The following GPHN variants were observed in gnomAD, a reference collection of about 807,000 sequenced individuals.
GPHN encodes the protein gephyrin.
A neutral mutation model predicts 95.5 loss-of-function variants in GPHN; 17 were observed. The observed-to-expected ratio is 0.18, with a 90% CI of 0.12 to 0.27. The LOEUF (loss-of-function observed/expected upper bound fraction) is 0.27, where lower values mean the gene tolerates loss of function less well. GPHN is among the 10% of genes least tolerant of loss of function. The pLI, the probability that GPHN is intolerant of heterozygous loss-of-function variation, is 1.00. For synonymous variants in GPHN, 320 were observed against 322.5 expected, an observed-to-expected ratio of 0.99 and a Z score of 0.08; for missense variants, 660 against 978.1, an observed-to-expected ratio of 0.67 and a Z score of 4.34.
the GPHN span, chr14:67,392,827 G>A: frequency 6.2e-7 from 1 of 1,612,848 alleles, no homozygotes; most frequent in Non-Finnish European, 8.5e-7. Context: ...TGTTGGAGAT[G>A]AGCCAGTCCA....
chr14:67,727,476 G>GTTTTTTTTGTTTTTTTTTTTTTT, the GPHN span: 1 of 295,164 alleles, frequency 3.4e-6, no homozygotes. Flanking sequence ...GAGGCTTTTT[G>GTTTTTTTTGTTTTTTTTTTTTTT]TTTTTTTTGT....
the GPHN span, among the ~76,000 whole-genome samples, chr14:67,435,697 G>A: frequency 6.6e-6 from 1 of 152,222 alleles, no homozygotes; most frequent in Non-Finnish European, 1.5e-5. Flanking sequence ...TTTTCTGGAT[G>A]TCACTCCTTC....
At chr14:67,724,810 A>C in the GPHN span, among the ~76,000 whole-genome samples, 6 of 152,206 alleles carry the variant, frequency 3.9e-5, no homozygotes, top group African/African-American at 1.4e-4. Flanking sequence ...AAAATAAGGA[A>C]AACGATGTCT....
At chr14:67,607,252 A>G in the GPHN span, among the ~76,000 whole-genome samples, 1 of 152,232 alleles carries the variant, frequency 6.6e-6, no homozygotes, top group Non-Finnish European at 1.5e-5. Context: ...ACCCTGCTGC[A>G]TAGTACAACC....
intron 1 of GPHN, among the ~76,000 whole-genome samples, chr14:66,594,897 T>C (rs765846548): frequency 2.0e-5 from 3 of 152,130 alleles, no homozygotes; most frequent in Non-Finnish European, 4.4e-5. Flanking sequence ...GGAGAAAGTA[T>C]GTGAGACCAT....
chr14:67,630,549 C>A, the GPHN span, among the ~76,000 whole-genome samples: 2 of 152,180 alleles, frequency 1.3e-5, no homozygotes, highest in Admixed American at 6.5e-5. Flanking sequence ...CATCCAGTTA[C>A]AAGCGAGGTT....
intron 2 of GPHN, among the ~76,000 whole-genome samples, chr14:66,688,078 C>T (rs1289305023): frequency 6.6e-6 from 1 of 152,050 alleles, no homozygotes; most frequent in Non-Finnish European, 1.5e-5. Flanking sequence ...TTGACTAACA[C>T]ATATTTTACA....
chr14:67,391,764 C>G, the GPHN span, among the ~76,000 whole-genome samples: 1 of 152,222 alleles, frequency 6.6e-6, no homozygotes. Context: ...CAGGACACGG[C>G]TTGCCTCTGG....
intron 3 of GPHN, among the ~76,000 whole-genome samples, chr14:66,809,254 G>A (rs1424711342): frequency 6.6e-6 from 1 of 152,138 alleles, no homozygotes; most frequent in Non-Finnish European, 1.5e-5. Flanking sequence ...TGTGGCAACA[G>A]GAATGGAAAG....
intron 18 of GPHN, among the ~76,000 whole-genome samples, chr14:67,149,096 C>A (rs374562519): frequency 6.6e-6 from 1 of 152,106 alleles, no homozygotes; most frequent in Admixed American, 6.5e-5. Flanking sequence ...GTAATCCCAG[C>A]ACTCTGGGAG....
At chr14:67,539,564 T>C in the GPHN span, among the ~76,000 whole-genome samples, 2 of 152,344 alleles carry the variant, frequency 1.3e-5, no homozygotes, top group East Asian at 3.9e-4. Context: ...CCAAGATGTC[T>C]TGGGAAATCT....
At chr14:67,120,668 T>C (rs1324190560) in intron 16 of GPHN, among the ~76,000 whole-genome samples, 1 of 152,230 alleles carries the variant, frequency 6.6e-6, no homozygotes, top group Non-Finnish European at 1.5e-5. Context: ...GCAACTAGTT[T>C]GATTAATGGA....
At chr14:67,638,454 CGTT>C in the GPHN span, among the ~76,000 whole-genome samples, 1 of 152,076 alleles carries the variant, frequency 6.6e-6, no homozygotes, top group Non-Finnish European at 1.5e-5. Flanking sequence ...CTGATATACA[CGTT>C]ATCCAATTTT....
intron 5 of GPHN, among the ~76,000 whole-genome samples, chr14:66,911,073 CAT>C (rs772304310): frequency 1.3e-5 from 2 of 151,818 alleles, no homozygotes; most frequent in Non-Finnish European, 2.9e-5. Flanking sequence ...TTTAGATAAA[CAT>C]ATGTGGAAAA....
At chr14:67,584,047 C>G in the GPHN span, 170 of 1,613,976 alleles carry the variant, frequency 1.1e-4, no homozygotes, top group African/African-American at 2.0e-3. Flanking sequence ...AGGATGCTCC[C>G]CTCCTGAGTG....
chr14:66,807,639 C>G (rs2060599790), intron 3 of GPHN, among the ~76,000 whole-genome samples: 3 of 152,176 alleles, frequency 2.0e-5, no homozygotes, highest in Admixed American at 2.0e-4. Flanking sequence ...CTATACCTTC[C>G]CTTCTCCCAA....
the GPHN span, among the ~76,000 whole-genome samples, chr14:67,362,667 A>G: frequency 6.6e-6 from 1 of 152,184 alleles, no homozygotes; most frequent in African/African-American, 2.4e-5. Flanking sequence ...TGAGGACCAA[A>G]TAAAATAAGA....
At chr14:66,531,060 A>G (rs922191064) in intron 1 of GPHN, among the ~76,000 whole-genome samples, 18 of 149,382 alleles carry the variant, frequency 1.2e-4, no homozygotes, top group African/African-American at 4.5e-4. Flanking sequence ...GGTTCAAGTA[A>G]TTCTCTTCCC....
the GPHN span, chr14:67,352,981 T>C: frequency 1.2e-6 from 2 of 1,614,168 alleles, no homozygotes; most frequent in Non-Finnish European, 1.7e-6. Context: ...AGATTTTTTC[T>C]TCAGGAGGTT....
Sources: allele counts gnomAD v4.1 joint callset (sites outside exome capture counted in the v4.1 genomes callset), GRCh38; gene constraint gnomAD v4.1.1; transcripts MANE v1.5; gene names NCBI Gene and HGNC (gene_info 2026-07-23, HGNC 2026-07-21).